Variants in MICU1 observed in about 807,000 individuals in gnomAD.
The protein encoded by MICU1 is calcium uptake protein 1, mitochondrial.
Under a neutral mutation model 56.8 loss-of-function variants are expected in MICU1, and 45 were observed. The observed-to-expected ratio is 0.79, with a 90% CI of 0.62 to 1.02. MICU1 has a LOEUF of 1.02. Ranked by LOEUF, MICU1 falls within the 50% of genes least tolerant of loss-of-function variation. MICU1 has a pLI of 0.00. For synonymous variants in MICU1, 186 were observed against 195.1 expected, an observed-to-expected ratio of 0.95 and a Z score of 0.39; for missense variants, 504 against 587.1, an observed-to-expected ratio of 0.86 and a Z score of 1.46.
intron 6 of MICU1, among the ~76,000 whole-genome samples, chr10:72,505,938 C>T (rs539408915): frequency 8.1e-5 from 12 of 148,842 alleles, no homozygotes; most frequent in South Asian, 4.3e-4. Context: ...CAAACTTGTA[C>T]GTGTCCTCTC....
chr10:72,602,226 G>A (rs1841557215), intron 1 of MICU1, among the ~76,000 whole-genome samples: 1 of 151,444 alleles, frequency 6.6e-6, no homozygotes, highest in South Asian at 2.1e-4. Flanking sequence ...TGAGGTGGGT[G>A]GATCACTTCA....
chr10:72,407,877 T>A, intron 10 of MICU1, 52 bp downstream of exon 10: 1 of 1,215,442 alleles, frequency 8.2e-7, no homozygotes, highest in Non-Finnish European at 1.2e-6. Context: ...ACCTAAGAGA[T>A]TACAGATCCA....
intron 10 of MICU1, among the ~76,000 whole-genome samples, chr10:72,401,083 T>A (rs889265388): frequency 3.3e-5 from 5 of 152,082 alleles, no homozygotes; most frequent in Non-Finnish European, 4.4e-5. Flanking sequence ...ACTACAGGTG[T>A]GTGCCACTGA....
chr10:72,610,312 GAC>G (rs1564511835), intron 1 of MICU1, among the ~76,000 whole-genome samples: 1 of 150,190 alleles, frequency 6.7e-6, no homozygotes, highest in African/African-American at 2.5e-5. Flanking sequence ...TATATTTTAC[GAC>G]ACTTTTTTTA....
At chr10:72,518,901 G>C (rs1378335205) in intron 5 of MICU1, among the ~76,000 whole-genome samples, 1 of 152,030 alleles carries the variant, frequency 6.6e-6, no homozygotes, top group African/African-American at 2.4e-5. Context: ...GGCTGGTCTT[G>C]AACTCCTGAC....
intron 6 of MICU1, among the ~76,000 whole-genome samples, chr10:72,493,256 C>G (rs1314046090): frequency 6.6e-6 from 1 of 152,066 alleles, no homozygotes; most frequent in Non-Finnish European, 1.5e-5. Flanking sequence ...CTTTCCAAAA[C>G]AGAATAATAG....
intron 9 of MICU1, among the ~76,000 whole-genome samples, chr10:72,416,869 C>T (rs1589193800): frequency 2.0e-5 from 3 of 152,048 alleles, no homozygotes; most frequent in African/African-American, 2.4e-5. Context: ...AAGCATTTAC[C>T]GCCACCATAC....
chr10:72,519,935 C>A (rs1211450354), intron 5 of MICU1, among the ~76,000 whole-genome samples: 1 of 152,090 alleles, frequency 6.6e-6, no homozygotes, highest in Non-Finnish European at 1.5e-5. Flanking sequence ...TGATGAAGAA[C>A]ACAGCTTTAC....
chr10:72,537,620 TAAGA>T (rs1345530699), intron 4 of MICU1, among the ~76,000 whole-genome samples: 2 of 152,222 alleles, frequency 1.3e-5, no homozygotes, highest in African/African-American at 4.8e-5. Context: ...TTTTTATTGA[TAAGA>T]AAGCCAAGGC....
At chr10:72,406,902 C>T (rs1863649225) in intron 10 of MICU1, among the ~76,000 whole-genome samples, 1 of 152,218 alleles carries the variant, frequency 6.6e-6, no homozygotes, top group South Asian at 2.1e-4. Flanking sequence ...GTTCGGATTA[C>T]AGGCATGAAC....
intron 8 of MICU1, among the ~76,000 whole-genome samples, chr10:72,446,761 T>C (rs777554240): frequency 1.3e-5 from 2 of 152,252 alleles, no homozygotes; most frequent in African/African-American, 2.4e-5. Flanking sequence ...ATGTTTCTTT[T>C]AGATTCAATG....
At chr10:72,540,552 T>A (rs1313125892) in intron 4 of MICU1, among the ~76,000 whole-genome samples, 1 of 152,126 alleles carries the variant, frequency 6.6e-6, no homozygotes, top group Non-Finnish European at 1.5e-5. Flanking sequence ...GGTACACACC[T>A]GTAGTCCTAG....
intron 8 of MICU1, among the ~76,000 whole-genome samples, chr10:72,453,265 C>T (rs991474891): frequency 6.6e-6 from 1 of 152,136 alleles, no homozygotes; most frequent in African/African-American, 2.4e-5. Context: ...CTATCATAAC[C>T]CTGTCGGATG....
At position 72,551,255 on chromosome 10, in the gene MICU1, C is replaced by T. The variant is rs981273787; in HGVS notation, c.417G>A (p.Glu139=). 1 of 1,613,338 alleles carries T rather than the reference C, an allele frequency of 6.2e-7. No homozygotes were observed. The highest frequency in any genetic ancestry group is 1.3e-5 in the African/African-American group (1 of 74,910). ...TCATAAACACTTCTGCTTCACCAGG[C>T]TCACTGATGACTTTCAAGGTGGCAA... ...RYFATLKVIS[E]PGEAEVFMTP... Residue 139 remains glutamate, a synonymous_variant, in exon 4 of 12, where the codon GAG becomes GAA. Coordinates refer to ENST00000361114, the MANE Select transcript of MICU1 (RefSeq NM_001195518.2).
At chr10:72,470,708 C>G (rs926675875) in intron 8 of MICU1, among the ~76,000 whole-genome samples, 2 of 151,410 alleles carry the variant, frequency 1.3e-5, no homozygotes, top group African/African-American at 4.9e-5. Context: ...GAACTTTGAT[C>G]GGGGGGGGTG....
At chr10:72,560,056 C>T (rs1339266923) in intron 3 of MICU1, among the ~76,000 whole-genome samples, 1 of 151,914 alleles carries the variant, frequency 6.6e-6, no homozygotes, top group Non-Finnish European at 1.5e-5. Context: ...GTCCCTGGTG[C>T]CAAAAAGGTT....
At chr10:72,533,960 C>T (rs1163015999) in intron 4 of MICU1, among the ~76,000 whole-genome samples, 171 bp from the exon 5 acceptor site, 1 of 152,006 alleles carries the variant, frequency 6.6e-6, no homozygotes, top group Admixed American at 6.6e-5. Flanking sequence ...AGTGTGAGTG[C>T]TAAGAGATAC....
chr10:72,589,784 G>A (rs1447966849), intron 1 of MICU1, among the ~76,000 whole-genome samples: 2 of 152,104 alleles, frequency 1.3e-5, no homozygotes, highest in Middle Eastern at 3.2e-3. Flanking sequence ...AGCAAAGATA[G>A]ATTTTTTAAT....
intron 5 of MICU1, among the ~76,000 whole-genome samples, chr10:72,528,559 AT>A (rs1868028645): frequency 2.0e-5 from 3 of 152,214 alleles, no homozygotes. Context: ...TACATGTCAT[AT>A]TAACCTGTTA....
Sources: allele counts gnomAD v4.1 joint callset (sites outside exome capture counted in the v4.1 genomes callset), GRCh38; gene constraint gnomAD v4.1.1; transcripts MANE v1.5; gene names NCBI Gene and HGNC (gene_info 2026-07-23, HGNC 2026-07-21).